RB1: variants seen among roughly 807,000 people sequenced by gnomAD.
RB1 encodes the protein retinoblastoma-associated protein.
In RB1, 18 loss-of-function variants were observed where a neutral mutation model predicts 135.4. The observed-to-expected ratio is 0.13, with a 90% CI of 0.09 to 0.20. The LOEUF is 0.20. Among genes scored for constraint, RB1 ranks in the 10% least tolerant of loss-of-function variants. The pLI is 1.00. For missense variants in RB1, 868 were observed against 1,110.0 expected (o/e 0.78, Z 3.10); for synonymous variants, 365 against 373.2 (o/e 0.98, Z 0.25).
rs1315695309 is a variant in RB1 at position 48,344,307 on chromosome 13, A to G, written c.381-773A>G. ...CATTGGTGGGGCAAATAAAGTATGC[A>G]TTTTGGTGTGTATCTCTGACAGGAG... On this transcript the variant is annotated intron_variant, in intron 3 of 26. Coordinates refer to ENST00000267163, the MANE Select transcript of RB1 (RefSeq NM_000321.3). 2.6e-5 allele frequency among the ~76,000 whole-genome samples: 4 copies of G among 152,162 alleles called. No individual in the cohort carries two copies. The East Asian group carries it at 7.7e-4, about 29-fold the overall frequency.
At position 48,473,607 on chromosome 13, in the gene RB1, A is replaced by G. The variant is rs1342515623; in HGVS notation, c.2520+217A>G. 3.3e-5 allele frequency among the ~76,000 whole-genome samples: 5 copies of G among 152,130 alleles called. No individual in the cohort carries two copies. The East Asian group carries it at 9.6e-4, about 29-fold the overall frequency. ...ATTGGTGAACTTCAAAACTTTTCTA[A>G]ATATCCACTTGAGATTATATAATAC... On this transcript the variant is annotated intron_variant, in intron 24 of 26. Coordinates refer to ENST00000267163, the MANE Select transcript of RB1 (RefSeq NM_000321.3).
At chr13:48,473,218 AT>A (rs1949483060) in intron 23 of RB1, 141 bp from the exon 24 acceptor site, 1 of 642,906 alleles carries the variant, frequency 1.6e-6, no homozygotes, top group Non-Finnish European at 2.7e-6. Context: ...TCCCAAATGA[AT>A]ATAGTTTGTC....
intron 17 of RB1, among the ~76,000 whole-genome samples, chr13:48,419,244 G>C (rs765915024): frequency 6.6e-6 from 1 of 152,154 alleles, no homozygotes; most frequent in Non-Finnish European, 1.5e-5. Context: ...ACTCAAACCT[G>C]CACAACTGCA....
Position 48,304,114 on chromosome 13 carries a change from G to T in RB1, c.137+65G>T, listed in dbSNP as rs546745714. 7.1e-4 allele frequency: 934 copies of T among 1,324,016 alleles called. 7 individuals are homozygous for T. The African/African-American group carries it at 0.013, about 18-fold the overall frequency. 82.0% of individuals were successfully genotyped at this position (1,324,016 alleles called of 1,614,324 possible). A position where few individuals can be genotyped will look rare whatever the true frequency, so the allele number is the denominator to read the frequency against. On this transcript the variant is annotated intron_variant, in intron 1 of 26. Transcript: ENST00000267163. The stretch of plus-strand genomic sequence containing the variant: ...CGCCCCGGGTGTGCGTAGGGCGGGC[G>T]CCAAGGCGGCTCGGCGGGGATCCGT...
intron 12 of RB1, among the ~76,000 whole-genome samples, chr13:48,375,771 GT>G (rs11299883): frequency 0.03 from 4,617 of 151,768 alleles, 227 homozygotes; most frequent in African/African-American, 0.1. Flanking sequence ...TGGAGATGGT[GT>G]TTCACAATGT....
At chr13:48,428,703 A>G (rs556740616) in intron 17 of RB1, among the ~76,000 whole-genome samples, 5 of 152,372 alleles carry the variant, frequency 3.3e-5, no homozygotes, top group Non-Finnish European at 7.3e-5. Context: ...TATGATGACC[A>G]TCCTTCATTT....
chr13:48,317,947 CT>C, intron 2 of RB1: 14 of 445,492 alleles, frequency 3.1e-5, no homozygotes, highest in South Asian at 5.9e-5. Context: ...ACTCCTTGGC[CT>C]TTTCCGCCAA....
At chr13:48,318,884 T>A in intron 2 of RB1, 6 of 1,136,102 alleles carry the variant, frequency 5.3e-6, no homozygotes, top group Non-Finnish European at 7.9e-6. Flanking sequence ...GATTTCCTGA[T>A]CGATGCTGTC....
intron 23 of RB1, 69 bp downstream of exon 23, chr13:48,465,437 AT>A: frequency 1.4e-6 from 2 of 1,408,814 alleles, no homozygotes; most frequent in Non-Finnish European, 2.0e-6. Context: ...AGAATAAAAA[AT>A]ATAAAGCATT....
chr13:48,336,878 T>A (rs541287575), intron 2 of RB1, among the ~76,000 whole-genome samples: 2 of 152,332 alleles, frequency 1.3e-5, no homozygotes, highest in South Asian at 4.1e-4. Context: ...TCTGGTATGT[T>A]GTGTCTTTGT....
Position 48,376,911 on chromosome 13 carries a change from C to T in RB1, c.1216-7C>T, listed in dbSNP as rs563642809. On this transcript the variant is annotated splice_region_variant and splice_polypyrimidine_tract_variant and intron_variant, in intron 12 of 26. Transcript: ENST00000267163. ...TCGACATTGATTTCTGTTTTTACCT[C>T]CTAAAGAACTGCACAGTGAATCCAA... 3.7e-6 allele frequency: 6 copies of T among 1,613,280 alleles called. No individual in the cohort carries two copies. In the Admixed American group the frequency reaches 1.0e-4, roughly 27 times the overall value.
chr13:48,380,118 CT>C lies in RB1; in HGVS notation c.1421+39del, dbSNP rs1196252497. 4 of 1,432,320 alleles carry C rather than the reference CT, an allele frequency of 2.8e-6. No individual in the cohort carries two copies. In the South Asian group the frequency reaches 5.6e-5, roughly 20 times the overall value. 88.7% of individuals were successfully genotyped at this position (1,432,320 alleles called of 1,614,324 possible). On this transcript the variant is annotated intron_variant, in intron 15 of 26. Transcript: ENST00000267163. ...TTTACTTTTAGTAAAAAATTTTTTT[CT>C]TTTTATAGAAGTAAGTATTTTATAA...
rs1359386263 is a variant in RB1, at chr13:48,456,221, G to A, written c.1832G>A (p.Arg611Lys). ...ATATCTAGGTATCTTTCTCCTGTAA[G>A]ATCTCCAAAGAAAAAAGGTTCAACT... is the stretch of plus-strand genomic sequence containing the variant. ...TAADMYLSPVRSPKKKGSTTR... is the reference protein window; with the variant it reads ...TAADMYLSPVKSPKKKGSTTR... The change falls in exon 19 of 27, where the codon AGA becomes AAA. Residue 611 changes from arginine (R) to lysine (K), a missense_variant. This residue lies in a region of RB1 where 641 missense variants were observed against 791.3 expected (regional missense o/e 0.81). Transcript: ENST00000267163. 8 of 1,614,068 alleles carry A rather than the reference G, an allele frequency of 5.0e-6. No individual in the cohort carries two copies. Among genetic ancestry groups the A allele is most frequent in the Non-Finnish European group, 6.8e-6 (8 of 1,180,018 alleles).
chr13:48,458,173 C>T (rs1434616862), intron 19 of RB1, among the ~76,000 whole-genome samples: 1 of 152,250 alleles, frequency 6.6e-6, no homozygotes, highest in Non-Finnish European at 1.5e-5. Context: ...CTCTCTGCTG[C>T]AGCAGGTGTG....
At chr13:48,313,186 C>G (rs1054634434) in intron 2 of RB1, among the ~76,000 whole-genome samples, 2 of 151,806 alleles carry the variant, frequency 1.3e-5, no homozygotes, top group African/African-American at 4.8e-5. Flanking sequence ...TTTGGAATAC[C>G]CTTCTTTTTT....
chr13:48,397,849 G>GAAC (rs1948660728), intron 17 of RB1, among the ~76,000 whole-genome samples: 1 of 152,222 alleles, frequency 6.6e-6, no homozygotes, highest in African/African-American at 2.4e-5. Context: ...ACAAAAGGGA[G>GAAC]AACAGTCTGT....
chr13:48,436,030 A>G (rs953054315), intron 17 of RB1, among the ~76,000 whole-genome samples: 1 of 152,194 alleles, frequency 6.6e-6, no homozygotes, highest in Admixed American at 6.5e-5. Context: ...AAATATAAAG[A>G]CACGAATATG....
At chr13:48,317,628 C>T in intron 2 of RB1, 1 of 497,724 alleles carries the variant, frequency 2.0e-6, no homozygotes, top group Non-Finnish European at 3.2e-6. Flanking sequence ...AAACATTTCT[C>T]CTGCTCGCTG....
intron 17 of RB1, among the ~76,000 whole-genome samples, chr13:48,446,440 A>G (rs1367327528): frequency 6.6e-6 from 1 of 152,202 alleles, no homozygotes; most frequent in Non-Finnish European, 1.5e-5. Flanking sequence ...ACAAAGCCCA[A>G]GCCTTCCTGC....
Sources: allele counts gnomAD v4.1 joint callset (sites outside exome capture counted in the v4.1 genomes callset), GRCh38; gene constraint gnomAD v4.1.1; regional missense constraint gnomAD v4.1.1; transcripts MANE v1.5; gene names NCBI Gene and HGNC (gene_info 2026-07-23, HGNC 2026-07-21).